Variants in SPTBN5 observed in about 807,000 individuals in gnomAD.
The protein encoded by SPTBN5 is spectrin beta chain, non-erythrocytic 5.
SPTBN5 carries 513 observed loss-of-function variants against 477.6 expected under a neutral mutation model. That is an observed-to-expected ratio of 1.07 (90% CI 1.00 to 1.16). The LOEUF (loss-of-function observed/expected upper bound fraction) is 1.16. Among genes scored for constraint, SPTBN5 ranks in the 50% most tolerant of loss-of-function variants. The pLI is 0.00. For synonymous variants in SPTBN5, 2,169 were observed against 2,011.7 expected, an observed-to-expected ratio of 1.08 and a Z score of -2.09; for missense variants, 5,062 against 4,731.8, an observed-to-expected ratio of 1.07 and a Z score of -2.05.
rs773039184 is a variant in SPTBN5 at position 41,893,974 on chromosome 15, G to T, written c.-125C>A. 5 of 196,592 alleles carry T rather than the reference G, an allele frequency of 2.5e-5. No individual in the cohort carries two copies. The highest frequency in any genetic ancestry group is 4.2e-5 in the Non-Finnish European group (4 of 94,186). The allele number at this position is 196,592 out of a possible 1,614,324, so 12.2% of individuals were successfully genotyped here. On this transcript the variant is annotated 5_prime_UTR_variant, in exon 1 of 68. Coordinates refer to ENST00000320955, the MANE Select transcript of SPTBN5 (RefSeq NM_016642.4). Reference sequence around the variant, plus strand: ...TGGCAGATAGCAGGGGCTGTGGAGGGAGGGAGAGGGACATCAGGAGAGGCC... The same window carrying T: ...TGGCAGATAGCAGGGGCTGTGGAGGTAGGGAGAGGGACATCAGGAGAGGCC...
At chr15:41,857,756 G>A in intron 49 of SPTBN5, 46 bp from the exon 50 acceptor site, 1 of 1,517,454 alleles carries the variant, frequency 6.6e-7, no homozygotes, top group East Asian at 2.5e-5. Flanking sequence ...AGGACTGCTG[G>A]TACCAGGGCA....
At position 41,850,835 on chromosome 15, in the gene SPTBN5, T is replaced by C. The variant is rs777103694; in HGVS notation, c.10921+19A>G. ...CAGGGAGTCGGCCGCCCTCCCCGCA[T>C]CCTTCCCCTGAAGCCCACCTGCAGT... On this transcript the variant is annotated intron_variant, in intron 66 of 67. Coordinates refer to ENST00000320955, the MANE Select transcript of SPTBN5 (RefSeq NM_016642.4). The C allele has an allele frequency of 2.5e-6, 4 of 1,579,084 alleles. No homozygotes were observed. The highest frequency in any genetic ancestry group is 1.8e-5 in the Admixed American group (1 of 55,518).
At chr15:41,849,416 G>C (rs185755983) in intron 67 of SPTBN5, among the ~76,000 whole-genome samples, 1 of 152,322 alleles carries the variant, frequency 6.6e-6, no homozygotes, top group Admixed American at 6.5e-5. Flanking sequence ...GGTAGAGAAC[G>C]GGTTGGAACA....
chr15:41,879,924 T>C (rs2066889901), intron 14 of SPTBN5, 60 bp from the exon 15 acceptor site: 1 of 1,602,150 alleles, frequency 6.2e-7, no homozygotes, highest in Non-Finnish European at 8.5e-7. Flanking sequence ...CACTCCCCTC[T>C]AGCCTATGAC....
intron 31 of SPTBN5, 89 bp from the exon 32 acceptor site, chr15:41,870,109 C>T: frequency 2.8e-6 from 4 of 1,444,794 alleles, no homozygotes; most frequent in Non-Finnish European, 3.7e-6. Flanking sequence ...CTCTGGCCCC[C>T]TTGGGCCACG....
At chr15:41,854,395 G>C (rs571472047) in intron 56 of SPTBN5, among the ~76,000 whole-genome samples, 190 bp from the exon 57 acceptor site, 2 of 151,292 alleles carry the variant, frequency 1.3e-5, no homozygotes, top group African/African-American at 4.9e-5. Context: ...GTCTGCGGCA[G>C]GCCAGGGGGT....
chr15:41,861,945 A>G, intron 44 of SPTBN5, 22 bp from the exon 45 acceptor site: 1 of 1,588,096 alleles, frequency 6.3e-7, no homozygotes, highest in Non-Finnish European at 8.5e-7. Context: ...CTGGGCTCAG[A>G]TCACTGGGGG....
rs774384128 is a variant in SPTBN5 at position 41,852,215 on chromosome 15, T to G, written c.10551A>C (p.Leu3517=). The part of the protein sequence containing the change: ...FQWRPSGHQG[L]GAQLAETRDP... ...CCCTCGTCTCAGCCAGCTGTGCTCC[T>G]AGCCCCTGGTGTCCAGAGGGCCTCC... The change falls in exon 62 of 68, where the codon CTA becomes CTC. Residue 3517 remains leucine (L), a synonymous_variant. Coordinates refer to ENST00000320955, the MANE Select transcript of SPTBN5 (RefSeq NM_016642.4). 6.2e-7 allele frequency: 1 copy of G among 1,607,266 alleles called. No homozygotes were observed. The highest frequency in any genetic ancestry group is 1.1e-5 in the South Asian group (1 of 90,760).
intron 12 of SPTBN5, 23 bp downstream of exon 12, chr15:41,881,913 C>A (rs776917705): frequency 6.6e-7 from 1 of 1,517,300 alleles, no homozygotes. Context: ...AGACCAGGCG[C>A]CCTTCCCTGT....
intron 20 of SPTBN5, 75 bp downstream of exon 20, chr15:41,876,473 G>A: frequency 7.2e-7 from 1 of 1,394,942 alleles, no homozygotes; most frequent in Non-Finnish European, 9.9e-7. Flanking sequence ...GTGCTCTGTA[G>A]GCTGCACAGA....
In SPTBN5 at chr15:41,874,013, C is replaced by T. The variant is rs745712314; in HGVS notation, c.4722G>A (p.Gly1574=). 4 of 1,601,348 alleles carry T rather than the reference C, an allele frequency of 2.5e-6. No individual in the cohort carries two copies. Among genetic ancestry groups the T allele is most frequent in the Admixed American group, 3.3e-5 (2 of 59,774 alleles). The stretch of plus-strand genomic sequence containing the variant: ...CAGAACTCAGCACCCGTTGCACCTG[C>T]CCCTGGTGAGCTTTTACCTCCACCT... ...ELQVEVKAHQ[G]QVQRVLSSGR... Residue 1574 remains glycine, a synonymous_variant, in exon 25 of 68, where the codon GGG becomes GGA. Coordinates refer to ENST00000320955, the MANE Select transcript of SPTBN5 (RefSeq NM_016642.4).
chr15:41,865,185 G>T (rs923820960), intron 39 of SPTBN5, among the ~76,000 whole-genome samples: 1 of 152,130 alleles, frequency 6.6e-6, no homozygotes, highest in Non-Finnish European at 1.5e-5. Flanking sequence ...TTTTTCCCCT[G>T]TATACCACAT....
chr15:41,882,211 C>A (rs2066984191), intron 11 of SPTBN5, 58 bp downstream of exon 11: 20 of 1,437,454 alleles, frequency 1.4e-5, no homozygotes, highest in Non-Finnish European at 1.7e-5. Flanking sequence ...GGTGCTGGCA[C>A]CCCCACCCCC....
At chr15:41,859,551 A>G (rs753228369) in intron 47 of SPTBN5, among the ~76,000 whole-genome samples, 2 of 152,218 alleles carry the variant, frequency 1.3e-5, no homozygotes, top group Non-Finnish European at 2.9e-5. Context: ...AAATGAGGTC[A>G]TATGGGTGGG....
Position 41,852,672 on chromosome 15 carries a change from C to A in SPTBN5, c.10411G>T (p.Ala3471Ser). 1.2e-6 allele frequency: 2 copies of A among 1,613,652 alleles called. No homozygotes were observed. The highest frequency in any genetic ancestry group is 1.7e-6 in the Non-Finnish European group (2 of 1,179,894). ...RHQDLEKLLA[A>S]QEEKFAQMQK... Reference sequence around the variant, plus strand: ...ATTTGGGCAAACTTCTCTTCCTGGGCTGCCAGCAGCTTTTCTAAGTCCTGG... The same window carrying A: ...ATTTGGGCAAACTTCTCTTCCTGGGATGCCAGCAGCTTTTCTAAGTCCTGG... Residue 3471 changes from alanine (A) to serine (S), a missense_variant, in exon 61 of 68, where the codon GCC becomes TCC. Ala to Ser is a moderately conservative substitution (Grantham distance 99). Coordinates refer to ENST00000320955, the MANE Select transcript of SPTBN5 (RefSeq NM_016642.4).
rs572197170 is a variant in SPTBN5, at chr15:41,886,842, C to T, written c.888+371G>A. ...AAGCCCCCCAAAAACATGAATTCTGCGTAGCCCCCGCTGGCAGAGCCTTTT... is the reference window on the plus strand; with the variant it reads ...AAGCCCCCCAAAAACATGAATTCTGTGTAGCCCCCGCTGGCAGAGCCTTTT... On this transcript the variant is annotated intron_variant, in intron 6 of 67. Coordinates refer to ENST00000320955, the MANE Select transcript of SPTBN5 (RefSeq NM_016642.4). 4.5e-4 allele frequency among the ~76,000 whole-genome samples: 68 copies of T among 152,370 alleles called. 1 individual carries two copies. The highest frequency in any genetic ancestry group is 2.1e-3 in the East Asian group (11 of 5,188).
chr15:41,857,296 TCA>T lies in SPTBN5; in HGVS notation c.8561_8562del (p.Val2854GlufsTer87), dbSNP rs1437417662. 8.9e-6 allele frequency: 14 copies of T among 1,572,540 alleles called. No individual in the cohort carries two copies. The highest frequency in any genetic ancestry group is 1.1e-5 in the Non-Finnish European group (13 of 1,159,436). ...EALLGQAQAFVREGHCLAQDV... is the reference protein window; with the variant it reads ...EALLGQAQAFXREGHCLAQDV... ...TCTTGGGCAAGGCAGTGGCCTTCCC[TCA>T]CAAAGGCCTGGGCCTGGCCCAGCAG... On this transcript the variant is annotated frameshift_variant, in exon 51 of 68. Transcript: ENST00000320955. LOFTEE classifies it high-confidence loss of function.
At chr15:41,852,153 G>T in intron 62 of SPTBN5, 29 bp downstream of exon 62, 1 of 1,550,910 alleles carries the variant, frequency 6.4e-7, no homozygotes, top group Non-Finnish European at 8.7e-7. Flanking sequence ...CCACGGCGGG[G>T]GTGCCTGCAG....
At chr15:41,875,705 G>T in intron 21 of SPTBN5, 83 bp from the exon 22 acceptor site, 1 of 1,417,012 alleles carries the variant, frequency 7.1e-7, no homozygotes, top group Non-Finnish European at 9.4e-7. Flanking sequence ...CTGGGTGGCA[G>T]TGGAGGTGAG....
Sources: gnomAD v4.1 joint callset for allele counts (sites outside exome capture counted in the v4.1 genomes callset) on GRCh38, gnomAD v4.1.1 for gene constraint, MANE v1.5 for transcripts, NCBI Gene and HGNC (gene_info 2026-07-23, HGNC 2026-07-21) for gene names.